TDRD7: variants seen among roughly 807,000 people sequenced by gnomAD.
TDRD7 encodes tudor domain containing 7.
TDRD7 carries 47 observed loss-of-function variants against 109.8 expected under a neutral mutation model. The observed-to-expected ratio is 0.43, with a 90% CI of 0.34 to 0.55. The LOEUF (loss-of-function observed/expected upper bound fraction) is 0.55, where lower values mean the gene tolerates loss of function less well. Ranked by LOEUF, TDRD7 falls within the 20% of genes least tolerant of loss-of-function variation. The probability of loss-of-function intolerance (pLI) is 0.03; values close to 1 mark genes in which losing one functional copy is unlikely to be tolerated. For missense variants in TDRD7, 1,164 were observed against 1,319.2 expected (o/e 0.88, Z 1.82); for synonymous variants, 424 against 457.3 (o/e 0.93, Z 0.93).
At chr9:97,433,934 C>T (rs1194789977) in intron 4 of TDRD7, among the ~76,000 whole-genome samples, 6 of 152,096 alleles carry the variant, frequency 3.9e-5, no homozygotes, top group Admixed American at 3.9e-4. Flanking sequence ...TAGGTTAGTA[C>T]AGCTATTATG....
intron 12 of TDRD7, among the ~76,000 whole-genome samples, chr9:97,476,840 C>G (rs548849626): frequency 1.6e-4 from 24 of 151,950 alleles, no homozygotes; most frequent in Non-Finnish European, 2.9e-4. Context: ...TGCTGCACAG[C>G]AACATTTTGA....
chr9:97,441,808 A>C lies in TDRD7; in HGVS notation c.788A>C (p.Glu263Ala), dbSNP rs755947236. The C allele has an allele frequency of 6.8e-6, 11 of 1,613,716 alleles. No homozygotes were observed. The Admixed American group carries it at 1.5e-4, about 22-fold the overall frequency. Residue 263 changes from glutamate (E) to alanine (A), a missense_variant, in exon 6 of 17, where the codon GAG becomes GCG. Glu to Ala is a moderately radical substitution (Grantham distance 107). Around this residue, in one of 5 missense-constraint regions of TDRD7, gnomAD observed 407 missense variants for 394.0 expected, o/e 1.03. Transcript: ENST00000355295. ...TCTAAGCTTCCACATTTTTACAAAGAGTTATATAAAGAAGACCTTAATCAA... is the reference window on the plus strand; with the variant it reads ...TCTAAGCTTCCACATTTTTACAAAGCGTTATATAAAGAAGACCTTAATCAA... Reference protein sequence around the residue: ...WISKLPHFYKELYKEDLNQGI... With the variant: ...WISKLPHFYKALYKEDLNQGI...
rs11370965 is a variant in TDRD7 at position 97,476,564 on chromosome 9, G to GAA, written c.2166+1108_2166+1109dup. On this transcript the variant is annotated intron_variant, in intron 12 of 16. Transcript: ENST00000355295. Reference sequence around the variant, plus strand: ...CATACCATCTCTACAAAACCAAAAAGAAAAAAAAAAAAAACTAAACAAAAA... The same window carrying GAA: ...CATACCATCTCTACAAAACCAAAAAGAAAAAAAAAAAAAAAACTAAACAAAAA... Among the ~76,000 whole-genome samples the GAA allele has an allele frequency of 1.0e-2, 1,230 of 123,368 alleles. 42 individuals are homozygous for GAA. In the East Asian group the frequency reaches 0.12, roughly 12 times the overall value. 80.9% of individuals were successfully genotyped at this position (123,368 alleles called of 152,430 possible).
chr9:97,428,031 C>T (rs1435292744), intron 1 of TDRD7, among the ~76,000 whole-genome samples: 1 of 152,146 alleles, frequency 6.6e-6, no homozygotes, highest in East Asian at 1.9e-4. Context: ...TTTGTTCAGT[C>T]ACGTCCAGCC....
At chr9:97,442,788 A>G (rs1312666019) in intron 6 of TDRD7, among the ~76,000 whole-genome samples, 3 of 151,496 alleles carry the variant, frequency 2.0e-5, no homozygotes, top group East Asian at 1.9e-4. Context: ...TAAAGAAAGC[A>G]TGTATTTTTT....
At chr9:97,434,011 A>G (rs1416407392) in intron 4 of TDRD7, among the ~76,000 whole-genome samples, 1 of 152,174 alleles carries the variant, frequency 6.6e-6, no homozygotes, top group African/African-American at 2.4e-5. Flanking sequence ...CTAGGTATAT[A>G]TTCAAAGGCT....
chr9:97,426,958 G>C (rs752477631), intron 1 of TDRD7, among the ~76,000 whole-genome samples: 1 of 152,180 alleles, frequency 6.6e-6, no homozygotes, highest in Non-Finnish European at 1.5e-5. Context: ...CAGTATGGTA[G>C]CCAGTGGCCA....
intron 4 of TDRD7, among the ~76,000 whole-genome samples, chr9:97,432,493 G>C (rs1254399367): frequency 6.6e-6 from 1 of 152,138 alleles, no homozygotes; most frequent in Non-Finnish European, 1.5e-5. Context: ...ATTGTTTTGA[G>C]ATACTGTTTC....
intron 6 of TDRD7, among the ~76,000 whole-genome samples, chr9:97,451,988 T>C (rs553658502): frequency 1.3e-5 from 2 of 152,360 alleles, no homozygotes; most frequent in African/African-American, 4.8e-5. Flanking sequence ...AAAAGAATTA[T>C]ATTTGCTTTA....
In TDRD7 at chr9:97,494,418, A is replaced by T. The variant is rs2131190783; in HGVS notation, c.3077-1245A>T. On this transcript the variant is annotated intron_variant, in intron 16 of 16. Coordinates refer to ENST00000355295, the MANE Select transcript of TDRD7 (RefSeq NM_014290.3). ...TAGAAGAAAGGGAGCCATACTGTGG[A>T]ATCATCTTTTACCTTACCAATGGGT... Among the ~76,000 whole-genome samples, 2 of 152,288 alleles carry T rather than the reference A, an allele frequency of 1.3e-5. 1 individual carries two copies. Among genetic ancestry groups the T allele is most frequent in the Middle Eastern group, 6.8e-3 (2 of 294 alleles).
At chr9:97,430,706 G>T (rs1282283714) in intron 2 of TDRD7, among the ~76,000 whole-genome samples, 1 of 152,052 alleles carries the variant, frequency 6.6e-6, no homozygotes, top group Non-Finnish European at 1.5e-5. Context: ...AAAATAAATG[G>T]AATTTTCAGT....
chr9:97,431,878 C>T, intron 3 of TDRD7, 147 bp from the exon 4 acceptor site: 1 of 768,578 alleles, frequency 1.3e-6, no homozygotes, highest in Admixed American at 1.9e-5. Context: ...TCCCTGTTGA[C>T]CAGCCCTCCA....
intron 16 of TDRD7, among the ~76,000 whole-genome samples, chr9:97,493,904 T>G (rs541241837): frequency 6.6e-6 from 1 of 152,260 alleles, no homozygotes; most frequent in Non-Finnish European, 1.5e-5. Context: ...TTATCTCTCT[T>G]GTTCCCTGAA....
intron 2 of TDRD7, among the ~76,000 whole-genome samples, chr9:97,430,370 A>G (rs896876770): frequency 2.0e-5 from 3 of 152,188 alleles, no homozygotes; most frequent in Admixed American, 6.5e-5. Flanking sequence ...TGAAAACACC[A>G]GGTCTAAACC....
chr9:97,491,467 A>G (rs1233970515), intron 16 of TDRD7, among the ~76,000 whole-genome samples: 1 of 152,172 alleles, frequency 6.6e-6, no homozygotes, highest in East Asian at 1.9e-4. Context: ...TTCTTTGTTG[A>G]AAGGTGGACA....
At chr9:97,485,551 C>G (rs1182289163) in intron 15 of TDRD7, among the ~76,000 whole-genome samples, 2 of 152,184 alleles carry the variant, frequency 1.3e-5, no homozygotes, top group Non-Finnish European at 2.9e-5. Flanking sequence ...GTGTTTTTAC[C>G]TCCTTTTGTG....
chr9:97,419,565 G>C (rs1827864857), intron 1 of TDRD7, among the ~76,000 whole-genome samples: 1 of 152,166 alleles, frequency 6.6e-6, no homozygotes, highest in Admixed American at 6.5e-5. Context: ...CCTGCTCCCT[G>C]GCATTCATTC....
At chr9:97,480,533 C>T (rs1829098597) in intron 13 of TDRD7, 9 of 397,534 alleles carry the variant, frequency 2.3e-5, no homozygotes, top group South Asian at 1.6e-4. Flanking sequence ...TCCATTTCCC[C>T]ATCTGTGAAA....
intron 16 of TDRD7, 64 bp downstream of exon 16, chr9:97,487,396 C>G (rs1419380375): frequency 1.2e-6 from 2 of 1,608,210 alleles, no homozygotes; most frequent in African/African-American, 2.7e-5. Flanking sequence ...ATCCTGGGTA[C>G]TTAGCAAGTA....
Sources: gnomAD v4.1 joint callset for allele counts (sites outside exome capture counted in the v4.1 genomes callset) on GRCh38, gnomAD v4.1.1 for gene constraint, gnomAD v4.1.1 regional missense constraint, MANE v1.5 for transcripts, NCBI Gene and HGNC (gene_info 2026-07-23, HGNC 2026-07-21) for gene names.